The following TBC1D9 variants were observed in gnomAD, a reference collection of about 807,000 sequenced individuals.
TBC1D9 encodes TBC1 domain family member 9, also known as TBC1 domain family member 9A.
In TBC1D9, 63 loss-of-function variants were observed where a neutral mutation model predicts 132.0. That is an observed-to-expected ratio of 0.48 (90% confidence interval 0.39 to 0.59). The LOEUF (loss-of-function observed/expected upper bound fraction) is 0.59, where lower values mean the gene tolerates loss of function less well. Among genes scored for constraint, TBC1D9 ranks in the 20% least tolerant of loss-of-function variants. The probability of loss-of-function intolerance (pLI) is 0.00; values close to 1 mark genes in which losing one functional copy is unlikely to be tolerated. For synonymous variants in TBC1D9, 610 were observed against 609.9 expected (o/e 1.00, Z 0.00); for missense variants, 1,261 against 1,592.7 (o/e 0.79, Z 3.54).
rs1297231932 is a variant in TBC1D9 at position 140,657,550 on chromosome 4, C to A, written c.2184G>T (p.Gly728=). ...ACCTTCCCAAAACGGTCATGGCCTCCCCATCATCCTTGCAGTTCAACAGTT... is the reference window on the plus strand; with the variant it reads ...ACCTTCCCAAAACGGTCATGGCCTCACCATCATCCTTGCAGTTCAACAGTT... ...VDKLLNCKDD[G]EAMTVLGRYL... is the part of the protein sequence containing the mutation. The change falls in exon 12 of 21, where the codon GGG becomes GGT. Residue 728 remains glycine (G), a synonymous_variant. Transcript: ENST00000442267. 6.2e-7 allele frequency: 1 copy of A among 1,613,718 alleles called. No homozygotes were observed. The highest frequency in any genetic ancestry group is 1.3e-5 in the African/African-American group (1 of 74,902).
intron 18 of TBC1D9, among the ~76,000 whole-genome samples, chr4:140,627,037 AT>A: frequency 6.6e-6 from 1 of 152,244 alleles, no homozygotes; most frequent in Non-Finnish European, 1.5e-5. Flanking sequence ...GGTGGGCTGG[AT>A]TTGGCCCACG....
At chr4:140,686,499 A>G (rs1290471066) in intron 2 of TBC1D9, 37 bp from the exon 3 acceptor site, 2 of 1,320,254 alleles carry the variant, frequency 1.5e-6, no homozygotes, top group East Asian at 2.3e-5. Flanking sequence ...GTCAGATTTC[A>G]TGCCAAAGAT....
Position 140,639,539 on chromosome 4 carries a change from T to A in TBC1D9, c.2338-111A>T, listed in dbSNP as rs1736946430. On this transcript the variant is annotated intron_variant, in intron 13 of 20. Transcript: ENST00000442267. ...GACACATCAAAGAAATGACTTCTCATATGATGGGCATCCTACAGTACACCT... is the reference window on the plus strand; with the variant it reads ...GACACATCAAAGAAATGACTTCTCAAATGATGGGCATCCTACAGTACACCT... 42 of 739,126 alleles carry A rather than the reference T, an allele frequency of 5.7e-5. No homozygotes were observed. The South Asian group carries it at 6.9e-4, about 12-fold the overall frequency. The allele number at this position is 739,126 out of a possible 1,614,324, so 45.8% of individuals were successfully genotyped here. A position where few individuals can be genotyped will look rare whatever the true frequency, so the allele number is the denominator to read the frequency against.
In TBC1D9 at chr4:140,662,030, C is replaced by T. The variant is rs763120709; in HGVS notation, c.1666G>A (p.Ala556Thr). ...VEKSMGKYNL[A>T]TEEIERDLHR... ...AAATCCCTCTCAATCTCCTCCGTGG[C>T]GAGATTATACTTCCCCATGGACTTC... The change falls in exon 10 of 21, where the codon GCC (alanine) becomes ACC (threonine). Residue 556 changes from alanine (A) to threonine (T), a missense_variant. Ala to Thr is a moderately conservative substitution (Grantham distance 58). This residue lies in a region of TBC1D9 where 550 missense variants were observed against 699.0 expected (regional missense o/e 0.79). Transcript: ENST00000442267. The T allele has an allele frequency of 1.7e-5, 28 of 1,613,732 alleles. No individual in the cohort carries two copies. The Admixed American group carries it at 2.2e-4, about 12-fold the overall frequency.
At chr4:140,660,741 A>T (rs1229752436) in intron 10 of TBC1D9, among the ~76,000 whole-genome samples, 2 of 152,154 alleles carry the variant, frequency 1.3e-5, no homozygotes, top group African/African-American at 4.8e-5. Context: ...AAGGTTAACT[A>T]GTCTATGTGG....
chr4:140,681,491 A>G (rs1311326105), intron 3 of TBC1D9, among the ~76,000 whole-genome samples: 1 of 152,178 alleles, frequency 6.6e-6, no homozygotes, highest in African/African-American at 2.4e-5. Flanking sequence ...GTCCTATTCT[A>G]GTTAAAAGTA....
chr4:140,722,772 C>T (rs1230275295), intron 1 of TBC1D9, among the ~76,000 whole-genome samples: 1 of 152,186 alleles, frequency 6.6e-6, no homozygotes, highest in Non-Finnish European at 1.5e-5. Flanking sequence ...AAAAGACTCT[C>T]ATCACTACTT....
intron 20 of TBC1D9, among the ~76,000 whole-genome samples, chr4:140,623,207 C>A (rs1014171417): frequency 2.6e-5 from 4 of 152,104 alleles, no homozygotes; most frequent in African/African-American, 9.7e-5. Context: ...ACCTCAGCCC[C>A]CCAGGCACAC....
chr4:140,688,979 C>A (rs537110235), intron 2 of TBC1D9, among the ~76,000 whole-genome samples: 10 of 152,140 alleles, frequency 6.6e-5, no homozygotes, highest in Non-Finnish European at 1.5e-4. Flanking sequence ...CAGAGAGAGC[C>A]CTGTGCAGAA....
chr4:140,709,248 T>TCTCTCTCTCTCTCACA (rs1382500714), intron 1 of TBC1D9, among the ~76,000 whole-genome samples: 82 of 104,188 alleles, frequency 7.9e-4, no homozygotes, highest in African/African-American at 3.5e-3. Context: ...TCTCTCTCTC[T>TCTCTCTCTCTCTCACA]CACACACACA....
At chr4:140,718,573 T>C (rs1334203958) in intron 1 of TBC1D9, among the ~76,000 whole-genome samples, 2 of 152,196 alleles carry the variant, frequency 1.3e-5, no homozygotes, top group African/African-American at 4.8e-5. Context: ...ACAAGCCACA[T>C]GATTAGGAAA....
rs1738146231 is a variant in TBC1D9, at chr4:140,706,104, T to C, written c.131-4490A>G. 6.6e-6 allele frequency among the ~76,000 whole-genome samples: 1 copy of C among 152,218 alleles called. No homozygotes were observed. The highest frequency in any genetic ancestry group is 6.5e-5 in the Admixed American group (1 of 15,284). ...GCTGGTACAGGTGGCAGGTCCACAG[T>C]GCTGCAGAGAAACCCCCGTCAGCCC... On this transcript the variant is annotated intron_variant, in intron 1 of 20. Coordinates refer to ENST00000442267, the MANE Select transcript of TBC1D9 (RefSeq NM_015130.3). This position sits in a 1 kb window ranked among gnomAD's most constrained non-coding sequence, Gnocchi z 4.0.
Position 140,657,211 on chromosome 4 carries a change from C to A in TBC1D9, c.2223G>T (p.Val741=). The change falls in exon 13 of 21, where the codon GTG becomes GTT. Residue 741 remains valine (V), a synonymous_variant. Coordinates refer to ENST00000442267, the MANE Select transcript of TBC1D9 (RefSeq NM_015130.3). The part of the protein sequence containing the change: ...MTVLGRYLDS[V]TNKDSTLPPI... ...GAGGCAGTGTGCTGTCTTTATTGGT[C>A]ACACTGTCTAAATACCTGGAAGAAG... 1 of 1,613,808 alleles carries A rather than the reference C, an allele frequency of 6.2e-7. No individual in the cohort carries two copies. Among genetic ancestry groups the A allele is most frequent in the Non-Finnish European group, 8.5e-7 (1 of 1,179,810 alleles).
At chr4:140,744,879 TAAAAAAAAA>T (rs34469042) in intron 1 of TBC1D9, among the ~76,000 whole-genome samples, 2 of 107,516 alleles carry the variant, frequency 1.9e-5, no homozygotes, top group Non-Finnish European at 3.6e-5. Context: ...CAAGAGTGTT[TAAAAAAAAA>T]AAAAAAAAAA....
chr4:140,729,293 T>C (rs1738549353), intron 1 of TBC1D9, among the ~76,000 whole-genome samples: 1 of 152,180 alleles, frequency 6.6e-6, no homozygotes, highest in Non-Finnish European at 1.5e-5. Context: ...TCATAAGATA[T>C]GAGAGATATG....
chr4:140,658,327 T>C (rs1235513131), intron 11 of TBC1D9, among the ~76,000 whole-genome samples: 3 of 152,166 alleles, frequency 2.0e-5, no homozygotes, highest in Non-Finnish European at 4.4e-5. Context: ...CAAACCTGTA[T>C]AGCATGTTAC....
At chr4:140,743,580 C>T (rs1044513912) in intron 1 of TBC1D9, among the ~76,000 whole-genome samples, 1 of 152,192 alleles carries the variant, frequency 6.6e-6, no homozygotes, top group Non-Finnish European at 1.5e-5. Flanking sequence ...CAAAGAGCCA[C>T]CCTCAGGGCT....
chr4:140,640,660 G>A (rs1736972951), intron 13 of TBC1D9, among the ~76,000 whole-genome samples: 1 of 152,046 alleles, frequency 6.6e-6, no homozygotes, highest in Non-Finnish European at 1.5e-5. Flanking sequence ...CTGAGTTTGG[G>A]GTCCTGAGAT....
chr4:140,679,460 A>G (rs527910419), intron 4 of TBC1D9, among the ~76,000 whole-genome samples, 155 bp downstream of exon 4: 9 of 152,058 alleles, frequency 5.9e-5, no homozygotes, highest in Admixed American at 1.3e-4. Flanking sequence ...TTTTGAACTG[A>G]AAAATAATTA....
Sources: allele counts gnomAD v4.1 joint callset (sites outside exome capture counted in the v4.1 genomes callset), GRCh38; gene constraint gnomAD v4.1.1; regional missense constraint gnomAD v4.1.1; non-coding constraint Gnocchi (gnomAD v3.1); transcripts MANE v1.5; gene names NCBI Gene and HGNC (gene_info 2026-07-23, HGNC 2026-07-21).